Variants in SPAG17 observed in about 807,000 individuals in gnomAD.
SPAG17 encodes sperm-associated antigen 17.
SPAG17 carries 169 observed loss-of-function variants against 273.6 expected under a neutral mutation model. The observed-to-expected ratio is 0.62, with a 90% CI of 0.55 to 0.70. SPAG17 has a LOEUF of 0.70. Among genes scored for constraint, SPAG17 ranks in the 30% least tolerant of loss-of-function variants. The probability of loss-of-function intolerance (pLI) is 0.00; values close to 1 mark genes in which losing one functional copy is unlikely to be tolerated. For synonymous variants in SPAG17, 825 were observed against 873.2 expected, an observed-to-expected ratio of 0.94 and a Z score of 0.97; for missense variants, 2,557 against 2,627.8, an observed-to-expected ratio of 0.97 and a Z score of 0.59.
At chr1:118,146,945 T>C (rs940459326) in intron 3 of SPAG17, among the ~76,000 whole-genome samples, 5 of 152,138 alleles carry the variant, frequency 3.3e-5, no homozygotes, top group Non-Finnish European at 7.4e-5. Context: ...CACAAAAATG[T>C]CTCTGGGTCT....
chr1:118,021,832 T>C (rs1439682873), intron 28 of SPAG17, among the ~76,000 whole-genome samples: 2 of 152,194 alleles, frequency 1.3e-5, no homozygotes, highest in East Asian at 1.9e-4. Context: ...CTACACAGAC[T>C]AGTCTTATAT....
At chr1:117,987,962 TATG>T in intron 39 of SPAG17, 81 bp from the exon 40 acceptor site, 1 of 1,509,084 alleles carries the variant, frequency 6.6e-7, no homozygotes, top group Non-Finnish European at 9.1e-7. Context: ...CTCACCACTA[TATG>T]ATGAATTATT....
chr1:118,032,527 AT>A (rs1225070599), intron 24 of SPAG17, among the ~76,000 whole-genome samples: 6 of 151,406 alleles, frequency 4.0e-5, no homozygotes, highest in Non-Finnish European at 7.4e-5. Flanking sequence ...ACCTCTAGTC[AT>A]TTTTTTTCTC....
intron 28 of SPAG17, among the ~76,000 whole-genome samples, chr1:118,022,169 C>T (rs1200456437): frequency 1.3e-5 from 2 of 152,138 alleles, no homozygotes; most frequent in Non-Finnish European, 2.9e-5. Context: ...CAAATCTCAG[C>T]TCTACCACTT....
intron 34 of SPAG17, among the ~76,000 whole-genome samples, chr1:117,995,237 A>G (rs1657524332): frequency 6.6e-6 from 1 of 152,032 alleles, no homozygotes. Flanking sequence ...TGACTATGTC[A>G]GTTTCTTCTG....
chr1:118,028,421 TG>T (rs775760932), intron 25 of SPAG17, 27 bp from the exon 26 acceptor site: 23 of 1,610,670 alleles, frequency 1.4e-5, no homozygotes, highest in Non-Finnish European at 1.9e-5. Context: ...ATGTGAATAA[TG>T]GGCTGTCATT....
At chr1:118,106,225 C>A (rs991046030) in intron 4 of SPAG17, among the ~76,000 whole-genome samples, 24 of 152,132 alleles carry the variant, frequency 1.6e-4, no homozygotes, top group African/African-American at 4.8e-4. Flanking sequence ...TTATTATCAT[C>A]CTTATCATTA....
chr1:118,085,793 T>C (rs1208561837), intron 13 of SPAG17, 129 bp downstream of exon 13: 3 of 830,722 alleles, frequency 3.6e-6, no homozygotes, highest in South Asian at 2.1e-5. Flanking sequence ...TCAATCAAAA[T>C]ACCCACCTTA....
intron 3 of SPAG17, among the ~76,000 whole-genome samples, chr1:118,129,494 G>C (rs901302193): frequency 6.6e-6 from 1 of 152,176 alleles, no homozygotes; most frequent in Non-Finnish European, 1.5e-5. Context: ...ATATACGCTA[G>C]ATTTGAGAAC....
Position 118,040,746 on chromosome 1 carries a change from CT to C in SPAG17, c.3149del (p.Lys1050ArgfsTer13). 2 of 1,595,476 alleles carry C rather than the reference CT, an allele frequency of 1.3e-6. No homozygotes were observed. Among genetic ancestry groups the C allele is most frequent in the South Asian group, 1.1e-5 (1 of 90,706 alleles). ...PSDGGQIEVEKTMFEKGPTFI... is the reference protein window; with the variant it reads ...PSDGGQIEVEXTMFEKGPTFI... ...AAAATGTACCTTTTTCAAACATTGT[CT>C]TTTCCACTTCAATCTGCCCCCCATC... On this transcript the variant is annotated frameshift_variant, in exon 22 of 49. Coordinates refer to ENST00000336338, the MANE Select transcript of SPAG17 (RefSeq NM_206996.4). LOFTEE classifies it high-confidence loss of function.
At chr1:118,090,834 G>T (rs1655325390) in intron 10 of SPAG17, among the ~76,000 whole-genome samples, 1 of 152,112 alleles carries the variant, frequency 6.6e-6, no homozygotes, top group Non-Finnish European at 1.5e-5. Flanking sequence ...TGTGAACTAT[G>T]ATTGTGCTAC....
intron 7 of SPAG17, among the ~76,000 whole-genome samples, 172 bp from the exon 8 acceptor site, chr1:118,093,489 C>A (rs564259335): frequency 2.0e-5 from 3 of 152,286 alleles, no homozygotes; most frequent in Non-Finnish European, 2.9e-5. Context: ...TATTCCTGAA[C>A]CTTTCTTCTT....
intron 3 of SPAG17, among the ~76,000 whole-genome samples, chr1:118,139,136 A>T (rs1032718309): frequency 1.2e-4 from 18 of 152,216 alleles, no homozygotes; most frequent in African/African-American, 4.3e-4. Flanking sequence ...AATTTAAAAA[A>T]AATGGGCAAG....
chr1:118,010,408 C>A (rs1489268491), intron 30 of SPAG17, among the ~76,000 whole-genome samples: 2 of 152,002 alleles, frequency 1.3e-5, no homozygotes, highest in Non-Finnish European at 2.9e-5. Context: ...AGAAATAAAG[C>A]CACACACCTA....
intron 18 of SPAG17, among the ~76,000 whole-genome samples, chr1:118,064,433 G>A (rs969014548): frequency 6.6e-6 from 1 of 151,732 alleles, no homozygotes; most frequent in Non-Finnish European, 1.5e-5. Flanking sequence ...CATGTCCTTT[G>A]TAGGGACATG....
intron 10 of SPAG17, among the ~76,000 whole-genome samples, chr1:118,087,788 C>T (rs972820931): frequency 5.3e-5 from 8 of 152,314 alleles, no homozygotes; most frequent in East Asian, 1.9e-4. Flanking sequence ...GATTTCCTAT[C>T]CCTCTACAAG....
intron 48 of SPAG17, 174 bp downstream of exon 48, chr1:117,963,625 A>G (rs893823863): frequency 6.4e-6 from 3 of 466,190 alleles, no homozygotes; most frequent in South Asian, 3.7e-5. Flanking sequence ...CGGCCTCCCA[A>G]AGTGCTGGGA....
intron 20 of SPAG17, among the ~76,000 whole-genome samples, chr1:118,050,246 A>G (rs1221098284): frequency 3.3e-5 from 5 of 152,152 alleles, no homozygotes; most frequent in African/African-American, 1.2e-4. Flanking sequence ...CCAAGTCAAA[A>G]GGTCAAACTG....
chr1:118,150,405 A>G (rs1466508841), intron 3 of SPAG17, 138 bp downstream of exon 3: 1 of 436,414 alleles, frequency 2.3e-6, no homozygotes, highest in East Asian at 3.7e-5. Context: ...GTGTGTGTTC[A>G]CCATCAGGAA....
Sources: allele counts gnomAD v4.1 joint callset (sites outside exome capture counted in the v4.1 genomes callset), GRCh38; gene constraint gnomAD v4.1.1; transcripts MANE v1.5; gene names NCBI Gene and HGNC (gene_info 2026-07-23, HGNC 2026-07-21).